RYR2: variants seen among roughly 807,000 people sequenced by gnomAD.
The protein encoded by RYR2 is cardiac muscle ryanodine receptor-calcium release channel.
In RYR2, 227 loss-of-function variants were observed where a neutral mutation model predicts 601.1. That is an observed-to-expected ratio of 0.38 (90% CI 0.34 to 0.42). The LOEUF (loss-of-function observed/expected upper bound fraction) is 0.42. Ranked by LOEUF, RYR2 falls within the 10% of genes least tolerant of loss-of-function variation. The pLI, the probability that RYR2 is intolerant of heterozygous loss-of-function variation, is 1.00. For missense variants in RYR2, 4,646 were observed against 6,156.5 expected, an observed-to-expected ratio of 0.75 and a Z score of 8.21; for synonymous variants, 2,223 against 2,175.1, an observed-to-expected ratio of 1.02 and a Z score of -0.61.
chr1:237,800,096 G>A (rs1659782814), intron 97 of RYR2: 2 of 152,176 alleles, frequency 1.3e-5, no homozygotes, highest in Admixed American at 1.3e-4. Context: ...AGTGCTGTGT[G>A]ATACTGATGG....
At chr1:237,188,783 G>A (rs1679649201) in intron 1 of RYR2, among the ~76,000 whole-genome samples, 1 of 152,100 alleles carries the variant, frequency 6.6e-6, no homozygotes. Flanking sequence ...ATTCTTAGAT[G>A]ACTTGATCTA....
At chr1:237,537,943 C>T (rs2148002306) in intron 25 of RYR2, among the ~76,000 whole-genome samples, 1 of 152,192 alleles carries the variant, frequency 6.6e-6, no homozygotes, top group Admixed American at 6.5e-5. Context: ...AGAAGGAGAG[C>T]TTCAAGTGTA....
intron 33 of RYR2, among the ~76,000 whole-genome samples, chr1:237,594,461 C>G (rs1389903524): frequency 2.0e-5 from 3 of 152,122 alleles, no homozygotes; most frequent in African/African-American, 7.2e-5. Flanking sequence ...TAATGAAGAG[C>G]TCTTTACATA....
At chr1:237,666,737 A>T in intron 57 of RYR2, 148 bp downstream of exon 57, 1 of 653,850 alleles carries the variant, frequency 1.5e-6, no homozygotes. Flanking sequence ...TATATACTCT[A>T]ATTTTTTAAT....
At chr1:237,174,865 A>G (rs1246465676) in intron 1 of RYR2, among the ~76,000 whole-genome samples, 1 of 152,216 alleles carries the variant, frequency 6.6e-6, no homozygotes, top group Non-Finnish European at 1.5e-5. Context: ...GATCTATTAA[A>G]TATACTCCAC....
intron 12 of RYR2, among the ~76,000 whole-genome samples, chr1:237,429,836 A>G (rs565290332): frequency 2.3e-4 from 35 of 152,292 alleles, no homozygotes; most frequent in African/African-American, 8.4e-4. Flanking sequence ...GAAAACTTGT[A>G]GGTAAAAATA....
At chr1:237,284,710 C>T (rs1488563366) in intron 2 of RYR2, among the ~76,000 whole-genome samples, 2 of 122,302 alleles carry the variant, frequency 1.6e-5, no homozygotes, top group Non-Finnish European at 1.8e-5. Context: ...ATAAACACCC[C>T]CCCACACACA....
intron 12 of RYR2, among the ~76,000 whole-genome samples, chr1:237,424,636 C>T (rs1705950340): frequency 6.6e-6 from 1 of 152,014 alleles, no homozygotes; most frequent in South Asian, 2.1e-4. Context: ...TTTACTTTGC[C>T]CCTCTCTAGA....
intron 10 of RYR2, among the ~76,000 whole-genome samples, chr1:237,396,458 GAA>G (rs1702867360): frequency 6.6e-6 from 1 of 152,190 alleles, no homozygotes; most frequent in Non-Finnish European, 1.5e-5. Flanking sequence ...CTTCCATAGA[GAA>G]TTTGCATACT....
chr1:237,333,665 G>A (rs1489937472), intron 3 of RYR2: 1 of 455,978 alleles, frequency 2.2e-6, no homozygotes, highest in East Asian at 6.9e-5. Flanking sequence ...GCTGGCACTT[G>A]TAGGAACCAA....
At chr1:237,594,885 GGT>G (rs1675634064) in intron 33 of RYR2, among the ~76,000 whole-genome samples, 9 of 79,056 alleles carry the variant, frequency 1.1e-4, no homozygotes, top group Non-Finnish European at 1.7e-4. Context: ...AATATCACTG[GGT>G]TTTTTTTTTT....
Position 237,589,855 on chromosome 1 carries a change from G to A in RYR2, c.3661G>A (p.Val1221Ile), listed in dbSNP as rs1674956013. The A allele has an allele frequency of 3.7e-6, 6 of 1,613,716 alleles. No homozygotes were observed. The highest frequency in any genetic ancestry group is 1.3e-5 in the African/African-American group (1 of 74,864). The change falls in exon 30 of 105, where the codon GTC becomes ATC. Residue 1221 changes from valine to isoleucine, a missense_variant. Around this residue, in one of 17 missense-constraint regions of RYR2, gnomAD observed 1,807 missense variants for 2,088.1 expected, o/e 0.87. Coordinates refer to ENST00000366574, the MANE Select transcript of RYR2 (RefSeq NM_001035.3). ...GGGTAGGATGAACTTTGGAAAGGAT[G>A]TCAGCACCTTGAAATATTTCACCAT... ...QVGRMNFGKD[V>I]STLKYFTICG...
At chr1:237,619,958 A>G (rs1417824892) in intron 38 of RYR2, among the ~76,000 whole-genome samples, 2 of 152,168 alleles carry the variant, frequency 1.3e-5, no homozygotes, top group African/African-American at 4.8e-5. Flanking sequence ...ATGCTAAAGG[A>G]AGTTCTTTAA....
At chr1:237,444,426 T>C (rs1448539097) in intron 13 of RYR2, among the ~76,000 whole-genome samples, 1 of 152,194 alleles carries the variant, frequency 6.6e-6, no homozygotes, top group African/African-American at 2.4e-5. Context: ...TATAAGGAGT[T>C]TCCTCTTTAC....
At position 237,178,742 on chromosome 1, in the gene RYR2, C is replaced by G. The variant is rs139082855; in HGVS notation, c.49-91755C>G. The stretch of plus-strand genomic sequence containing the variant: ...GATTGCTTGAGCCCAGAGTTCAAAG[C>G]TGCAGTGAGCTATGATTACAACATT... On this transcript the variant is annotated intron_variant, in intron 1 of 104. Coordinates refer to ENST00000366574, the MANE Select transcript of RYR2 (RefSeq NM_001035.3). 3.8e-3 allele frequency among the ~76,000 whole-genome samples: 572 copies of G among 152,098 alleles called. 5 individuals carry two copies. Among genetic ancestry groups the G allele is most frequent in the African/African-American group, 0.013 (545 of 41,484 alleles).
intron 2 of RYR2, among the ~76,000 whole-genome samples, chr1:237,306,004 A>C (rs10737814): frequency 0.41 from 62,529 of 151,994 alleles, 13,300 homozygotes; most frequent in African/African-American, 0.51. Context: ...CAAACTCTGA[A>C]CATAGCCTAC....
chr1:237,345,491 T>A (rs12021771), intron 3 of RYR2, among the ~76,000 whole-genome samples: 21,332 of 149,162 alleles, frequency 0.14, 1,784 homozygotes, highest in East Asian at 0.33. Flanking sequence ...TAAAAAAAAA[T>A]ATATATATGT....
At chr1:237,292,303 A>G (rs1572498340) in intron 2 of RYR2, among the ~76,000 whole-genome samples, 1 of 152,254 alleles carries the variant, frequency 6.6e-6, no homozygotes, top group Non-Finnish European at 1.5e-5. Context: ...GGAGATGAAC[A>G]GTATAATACC....
chr1:237,495,497 C>T (rs1010676818), intron 19 of RYR2, among the ~76,000 whole-genome samples: 32 of 152,088 alleles, frequency 2.1e-4, no homozygotes, highest in African/African-American at 7.2e-4. Context: ...GTCCAAGCAC[C>T]TTCTATGTTT....
Sources: gnomAD v4.1 joint callset for allele counts (sites outside exome capture counted in the v4.1 genomes callset) on GRCh38, gnomAD v4.1.1 for gene constraint, gnomAD v4.1.1 regional missense constraint, MANE v1.5 for transcripts, NCBI Gene and HGNC (gene_info 2026-07-23, HGNC 2026-07-21) for gene names.